Variants in CDH18 observed in about 807,000 individuals in gnomAD.
CDH18 encodes cadherin 18.
CDH18 carries 31 observed loss-of-function variants against 67.9 expected under a neutral mutation model. The ratio of observed to expected loss-of-function variants is 0.46; its 90% CI spans 0.34 to 0.62. The LOEUF is 0.62. Among genes scored for constraint, CDH18 ranks in the 20% least tolerant of loss-of-function variants. The pLI, the probability that CDH18 is intolerant of heterozygous loss-of-function variation, is 0.01. For synonymous variants in CDH18, 362 were observed against 347.2 expected (o/e 1.04, Z -0.48); for missense variants, 890 against 975.5 (o/e 0.91, Z 1.17).
At chr5:19,680,435 TTAAAC>T (rs1401742170) in intron 5 of CDH18, among the ~76,000 whole-genome samples, 1 of 152,044 alleles carries the variant, frequency 6.6e-6, no homozygotes, top group Non-Finnish European at 1.5e-5. Context: ...GTGGGACTAA[TTAAAC>T]TAAAGAACAT....
Position 20,353,601 on chromosome 5 carries a change from T to A in CDH18, c.-579-98096A>T, listed in dbSNP as rs1175444280. On this transcript the variant is annotated intron_variant, in intron 1 of 14. Transcript: ENST00000507958. ...TGTTCTCTTCTGACTCACCTGGAGT[T>A]CAGGAATTCAGGCTACCAGTCAGAA... Among the ~76,000 whole-genome samples, 3 of 152,200 alleles carry A rather than the reference T, an allele frequency of 2.0e-5. No homozygotes were observed. In the East Asian group the frequency reaches 5.8e-4, roughly 29 times the overall value.
chr5:20,201,867 C>T (rs913310614), intron 2 of CDH18, among the ~76,000 whole-genome samples: 1 of 152,078 alleles, frequency 6.6e-6, no homozygotes, highest in African/African-American at 2.4e-5. Flanking sequence ...AAACTGCTAG[C>T]TTGAGTCAAA....
At chr5:19,576,419 A>C (rs1354993498) in intron 7 of CDH18, among the ~76,000 whole-genome samples, 1 of 152,128 alleles carries the variant, frequency 6.6e-6, no homozygotes, top group Non-Finnish European at 1.5e-5. Flanking sequence ...CACTCTATTC[A>C]AAAAATGGGC....
rs1176771941 is a variant in CDH18, at chr5:19,472,749, AAC to A, written c.*475_*476del. ...CAAGGCTAATGAGATCTGTTATAAT[AAC>A]AGAGTGTGGTTCTCAAGGTTTCACC... On this transcript the variant is annotated 3_prime_UTR_variant, in exon 13 of 13. Transcript: ENST00000382275. Among the ~76,000 whole-genome samples, 7 of 152,140 alleles carry A rather than the reference AAC, an allele frequency of 4.6e-5. No homozygotes were observed. Among genetic ancestry groups the A allele is most frequent in the African/African-American group, 1.7e-4 (7 of 41,446 alleles).
At chr5:19,894,026 T>A (rs1789042605) in intron 2 of CDH18, among the ~76,000 whole-genome samples, 1 of 152,134 alleles carries the variant, frequency 6.6e-6, no homozygotes, top group Admixed American at 6.6e-5. Context: ...TTTTAAAAAT[T>A]ATTTATCTTA....
At chr5:20,423,093 C>A (rs1363756595) in intron 1 of CDH18, among the ~76,000 whole-genome samples, 3 of 151,104 alleles carry the variant, frequency 2.0e-5, no homozygotes, top group Admixed American at 6.6e-5. Flanking sequence ...TGGTGATATT[C>A]CAAATGAAAA....
At chr5:20,024,929 A>T (rs562655697) in intron 2 of CDH18, among the ~76,000 whole-genome samples, 1 of 152,116 alleles carries the variant, frequency 6.6e-6, no homozygotes, top group Admixed American at 6.5e-5. Context: ...AGAGACAGCA[A>T]CATCACTCAC....
chr5:20,371,409 C>T (rs554743223), intron 1 of CDH18, among the ~76,000 whole-genome samples: 26 of 152,076 alleles, frequency 1.7e-4, no homozygotes, highest in African/African-American at 2.7e-4. Flanking sequence ...AATGCCTTGA[C>T]GCATTGTTCT....
chr5:20,055,745 T>G (rs964544204), intron 2 of CDH18, among the ~76,000 whole-genome samples: 8 of 152,184 alleles, frequency 5.3e-5, no homozygotes, highest in Non-Finnish European at 8.8e-5. Flanking sequence ...CTTATTGAGT[T>G]AGCATAGAGG....
chr5:20,513,806 T>C (rs1393322509), intron 1 of CDH18, among the ~76,000 whole-genome samples: 1 of 152,128 alleles, frequency 6.6e-6, no homozygotes, highest in African/African-American at 2.4e-5. Context: ...ATATGTCTTT[T>C]AAAAGCTTGC....
rs143373421 is a variant in CDH18 at position 19,710,186 on chromosome 5, C to T, written c.643+11161G>A. Among the ~76,000 whole-genome samples the T allele has an allele frequency of 2.6e-5, 4 of 152,162 alleles. No homozygotes were observed. In the East Asian group the frequency reaches 5.8e-4, roughly 22 times the overall value. Reference sequence around the variant, plus strand: ...GTTAATGATTCTTCTCTTATTCAGACATTCAGCCTTTCTAAATTCAATATA... The same window carrying T: ...GTTAATGATTCTTCTCTTATTCAGATATTCAGCCTTTCTAAATTCAATATA... On this transcript the variant is annotated intron_variant, in intron 5 of 12. Coordinates refer to ENST00000382275, the MANE Select transcript of CDH18 (RefSeq NM_004934.5).
At chr5:20,072,606 T>A (rs1439501720) in intron 2 of CDH18, among the ~76,000 whole-genome samples, 1 of 151,648 alleles carries the variant, frequency 6.6e-6, no homozygotes, top group Admixed American at 6.6e-5. Context: ...AAAAGAAATA[T>A]CCCCTGCAAG....
intron 12 of CDH18, among the ~76,000 whole-genome samples, chr5:19,482,639 G>A (rs1370405063): frequency 3.9e-5 from 6 of 151,916 alleles, no homozygotes; most frequent in Non-Finnish European, 8.8e-5. Context: ...TGTGCAACAT[G>A]ATGATGTTTT....
At chr5:20,020,708 T>C (rs781585498) in intron 2 of CDH18, among the ~76,000 whole-genome samples, 1 of 151,988 alleles carries the variant, frequency 6.6e-6, no homozygotes, top group Non-Finnish European at 1.5e-5. Context: ...AGAGGGTGTA[T>C]GGAAATGCCT....
At chr5:19,715,491 A>C (rs1366589718) in intron 5 of CDH18, among the ~76,000 whole-genome samples, 3 of 152,092 alleles carry the variant, frequency 2.0e-5, no homozygotes, top group Non-Finnish European at 4.4e-5. Context: ...CACTATTCTG[A>C]GTCAAGACTG....
intron 2 of CDH18, among the ~76,000 whole-genome samples, chr5:20,139,311 T>G (rs1750030631): frequency 6.6e-6 from 1 of 152,106 alleles, no homozygotes; most frequent in Non-Finnish European, 1.5e-5. Context: ...ATATAAAAAT[T>G]AATTCAAAAT....
chr5:20,145,037 G>A (rs1015951847), intron 2 of CDH18, among the ~76,000 whole-genome samples: 1 of 152,038 alleles, frequency 6.6e-6, no homozygotes, highest in Admixed American at 6.6e-5. Flanking sequence ...CTCCAGAACT[G>A]CAAGACAACA....
intron 5 of CDH18, among the ~76,000 whole-genome samples, chr5:19,652,488 A>G (rs1755720904): frequency 6.6e-6 from 1 of 152,174 alleles, no homozygotes; most frequent in East Asian, 1.9e-4. Flanking sequence ...ATGTGCAGAC[A>G]TGATATTTAT....
At chr5:19,966,698 A>G (rs1378745305) in intron 2 of CDH18, among the ~76,000 whole-genome samples, 1 of 152,058 alleles carries the variant, frequency 6.6e-6, no homozygotes, top group Non-Finnish European at 1.5e-5. Flanking sequence ...TTTTCTTTCC[A>G]ATAGTAAACT....
Sources: gnomAD v4.1 joint callset for allele counts (sites outside exome capture counted in the v4.1 genomes callset) on GRCh38, gnomAD v4.1.1 for gene constraint, MANE v1.5 for transcripts, NCBI Gene and HGNC (gene_info 2026-07-23, HGNC 2026-07-21) for gene names.